ZZEF1: variants seen among roughly 807,000 people sequenced by gnomAD.
ZZEF1 encodes the protein zinc finger ZZ-type and EF-hand domain containing 1, also known as zinc finger ZZ-type and EF-hand domain-containing protein 1.
In ZZEF1, 157 loss-of-function variants were observed where a neutral mutation model predicts 342.8. The ratio of observed to expected loss-of-function variants is 0.46; its 90% CI spans 0.40 to 0.52. The LOEUF (loss-of-function observed/expected upper bound fraction) is 0.52, where lower values mean the gene tolerates loss of function less well. ZZEF1 is among the 20% of genes least tolerant of loss of function. ZZEF1 has a pLI of 0.00. For missense variants in ZZEF1, 3,480 were observed against 3,725.6 expected, an observed-to-expected ratio of 0.93 and a Z score of 1.72; for synonymous variants, 1,505 against 1,429.1, an observed-to-expected ratio of 1.05 and a Z score of -1.20.
chr17:4,006,732 G>C lies in ZZEF1; in HGVS notation c.*158C>G. On this transcript the variant is annotated 3_prime_UTR_variant, in exon 55 of 55. Transcript: ENST00000381638. Reference sequence around the variant, plus strand: ...GTGCTTGTGTCCAGCCTACGCACGGGAGCTCTTGGAGACGTGGCTGCTTGG... The same window carrying C: ...GTGCTTGTGTCCAGCCTACGCACGGCAGCTCTTGGAGACGTGGCTGCTTGG... 1 of 739,212 alleles carries C rather than the reference G, an allele frequency of 1.4e-6. No individual in the cohort carries two copies. The highest frequency in any genetic ancestry group is 2.7e-5 in the East Asian group (1 of 37,198). 45.8% of individuals were successfully genotyped at this position (739,212 alleles called of 1,614,324 possible).
chr17:4,137,277 TC>T (rs971560324), intron 1 of ZZEF1, among the ~76,000 whole-genome samples: 18 of 151,936 alleles, frequency 1.2e-4, no homozygotes, highest in Non-Finnish European at 2.2e-4. Flanking sequence ...TACCATTAAC[TC>T]CCCCATAGCA....
At chr17:4,034,408 C>T in intron 39 of ZZEF1, 116 bp from the exon 40 acceptor site, 1 of 1,054,678 alleles carries the variant, frequency 9.5e-7, no homozygotes, top group Non-Finnish European at 1.4e-6. Context: ...CGGAATCATG[C>T]TTGTAGCTTT....
Position 4,058,167 on chromosome 17 carries a change from T to C in ZZEF1, c.5004-12A>G, listed in dbSNP as rs761516508. The C allele has an allele frequency of 1.1e-5, 17 of 1,607,950 alleles. No homozygotes were observed. Among genetic ancestry groups the C allele is most frequent in the Admixed American group, 1.7e-5 (1 of 59,066 alleles). On this transcript the variant is annotated splice_polypyrimidine_tract_variant and intron_variant, in intron 31 of 54. Coordinates refer to ENST00000381638, the MANE Select transcript of ZZEF1 (RefSeq NM_015113.4). Reference sequence around the variant, plus strand: ...CAGGGAGCAAGGACCTAAAGGGCCATGAAAGTGACCATTAGCAGAGCTGCT... The same window carrying C: ...CAGGGAGCAAGGACCTAAAGGGCCACGAAAGTGACCATTAGCAGAGCTGCT...
chr17:4,074,133 C>A lies in ZZEF1; in HGVS notation c.3685+17G>T, dbSNP rs79058840. On this transcript the variant is annotated intron_variant, in intron 24 of 54. Transcript: ENST00000381638. ...ACCGTGGTTGTAAGAAGGGAAAGCA[C>A]AGGGATGTGCACTTACGGCGCACAG... 6.2e-6 allele frequency: 10 copies of A among 1,612,836 alleles called. No individual in the cohort carries two copies. The African/African-American group carries it at 1.3e-4, about 22-fold the overall frequency.
chr17:4,142,308 T>TA (rs1471780760), intron 1 of ZZEF1, among the ~76,000 whole-genome samples: 3 of 152,196 alleles, frequency 2.0e-5, no homozygotes, highest in Non-Finnish European at 2.9e-5. Context: ...CATTACAACA[T>TA]ACAGAGAGAG....
At chr17:4,055,808 C>T (rs2057145287) in intron 33 of ZZEF1, among the ~76,000 whole-genome samples, 1 of 152,184 alleles carries the variant, frequency 6.6e-6, no homozygotes, top group African/African-American at 2.4e-5. Context: ...GCAGCAGTCC[C>T]CCTTTTTGGC....
rs1166230543 is a variant in ZZEF1, at chr17:4,034,024, C to G, written c.6575G>C (p.Cys2192Ser). 1 of 1,613,990 alleles carries G rather than the reference C, an allele frequency of 6.2e-7. No homozygotes were observed. The highest frequency in any genetic ancestry group is 1.3e-5 in the African/African-American group (1 of 75,046). Reference sequence around the variant, plus strand: ...CGAGGACCAAGGCTACCTGTCCAGACACACAGCTCCCAGGCTAAAGAGCAG... The same window carrying G: ...CGAGGACCAAGGCTACCTGTCCAGAGACACAGCTCCCAGGCTAAAGAGCAG... ...THLLFSLGAVCLDSRVGLDWA... is the reference protein window; with the variant it reads ...THLLFSLGAVSLDSRVGLDWA... Residue 2192 changes from cysteine (C) to serine (S), a missense_variant, in exon 40 of 55, where the codon TGT becomes TCT. Transcript: ENST00000381638.
chr17:4,135,267 G>C (rs2058730254), intron 1 of ZZEF1, among the ~76,000 whole-genome samples: 1 of 152,148 alleles, frequency 6.6e-6, no homozygotes, highest in East Asian at 1.9e-4. Flanking sequence ...CTTGAGCCCA[G>C]GAGCTCAAGA....
At position 4,006,122 on chromosome 17, in the gene ZZEF1, T is replaced by A. The variant is rs968862783; in HGVS notation, c.*768A>T. 3 of 152,650 alleles carry A rather than the reference T, an allele frequency of 2.0e-5. No homozygotes were observed. Among genetic ancestry groups the A allele is most frequent in the Middle Eastern group, 3.4e-3 (1 of 294 alleles). The allele number at this position is 152,650 out of a possible 1,614,324, so 9.5% of individuals were successfully genotyped here. ...CTCACATTCTGCTCCTTTCACAGAA[T>A]GGTCAGTCCCCGGTCATGCCCTCGA... On this transcript the variant is annotated 3_prime_UTR_variant, in exon 55 of 55. Transcript: ENST00000381638.
chr17:4,119,315 C>T (rs531761118), intron 2 of ZZEF1, among the ~76,000 whole-genome samples: 1 of 152,350 alleles, frequency 6.6e-6, no homozygotes, highest in South Asian at 2.1e-4. Flanking sequence ...GTGGGAATCA[C>T]CACCTTTGCA....
chr17:4,032,001 C>A, intron 42 of ZZEF1, 125 bp downstream of exon 42: 1 of 1,014,610 alleles, frequency 9.9e-7, no homozygotes, highest in Non-Finnish European at 1.4e-6. Flanking sequence ...GCTCGGGGAG[C>A]TATAACTTGT....
chr17:4,044,802 C>G (rs1303553140), intron 37 of ZZEF1, among the ~76,000 whole-genome samples: 3 of 152,066 alleles, frequency 2.0e-5, no homozygotes, highest in Non-Finnish European at 4.4e-5. Context: ...CAGGCGTGAG[C>G]TACCAGGCCT....
intron 32 of ZZEF1, chr17:4,056,995 GAA>G (rs1041734135): frequency 2.0e-5 from 3 of 152,198 alleles, no homozygotes; most frequent in Non-Finnish European, 4.4e-5. Context: ...ACTTTAAACA[GAA>G]AAAGATTTGC....
At chr17:4,125,786 G>A (rs1484930344) in intron 1 of ZZEF1, among the ~76,000 whole-genome samples, 1 of 152,180 alleles carries the variant, frequency 6.6e-6, no homozygotes, top group Non-Finnish European at 1.5e-5. Flanking sequence ...AATCTTAAGT[G>A]CAGAGAAAAG....
chr17:4,055,384 G>A (rs747027726), intron 33 of ZZEF1, among the ~76,000 whole-genome samples: 2 of 152,242 alleles, frequency 1.3e-5, no homozygotes, highest in Non-Finnish European at 2.9e-5. Context: ...GAATGAATCT[G>A]AGGCAGCAGA....
At position 4,009,667 on chromosome 17, in the gene ZZEF1, G is replaced by A; in HGVS notation, c.8670C>T (p.Gly2890=). The change falls in exon 53 of 55, where the codon GGC becomes GGT. Residue 2890 remains glycine, a synonymous_variant. Transcript: ENST00000381638. ...YGLFEDVTQP[G]ILLPLHRALT... ...GGGCACGATGCAGGGGAAGGAGGAT[G>A]CCGGGCTGCGTCACGTCCTCAAACA... 6.2e-7 allele frequency: 1 copy of A among 1,614,126 alleles called. No individual in the cohort carries two copies. The highest frequency in any genetic ancestry group is 8.5e-7 in the Non-Finnish European group (1 of 1,180,042).
rs1334070584 is a variant in ZZEF1, at chr17:4,005,038, T to G, written c.*1852A>C. The G allele has an allele frequency of 6.6e-6, 1 of 152,114 alleles. No individual in the cohort carries two copies. The highest frequency in any genetic ancestry group is 1.5e-5 in the Non-Finnish European group (1 of 68,088). The allele number at this position is 152,114 out of a possible 1,614,324, so 9.4% of individuals were successfully genotyped here. A position where few individuals can be genotyped will look rare whatever the true frequency, so the allele number is the denominator to read the frequency against. On this transcript the variant is annotated 3_prime_UTR_variant, in exon 55 of 55. Coordinates refer to ENST00000381638, the MANE Select transcript of ZZEF1 (RefSeq NM_015113.4). The stretch of plus-strand genomic sequence containing the variant: ...GGTGACTCCGGCCCTACCGCCCGCT[T>G]TACTCGGAGTCTGGGGTGTGGAGGG...
chr17:4,124,213 C>A (rs2058537748), intron 1 of ZZEF1, among the ~76,000 whole-genome samples, 162 bp from the exon 2 acceptor site: 1 of 152,172 alleles, frequency 6.6e-6, no homozygotes, highest in Non-Finnish European at 1.5e-5. Context: ...AGAACAGGAA[C>A]TCACTGCGCT....
intron 38 of ZZEF1, among the ~76,000 whole-genome samples, chr17:4,043,679 C>T (rs1235852418): frequency 1.3e-5 from 2 of 152,232 alleles, no homozygotes; most frequent in East Asian, 3.8e-4. Flanking sequence ...ACACACCTGC[C>T]AAGAGGGACT....
Sources: gnomAD v4.1 joint callset for allele counts (sites outside exome capture counted in the v4.1 genomes callset) on GRCh38, gnomAD v4.1.1 for gene constraint, MANE v1.5 for transcripts, NCBI Gene and HGNC (gene_info 2026-07-23, HGNC 2026-07-21) for gene names.